CPPED1: variants seen among roughly 807,000 people sequenced by gnomAD.
The protein encoded by CPPED1 is serine/threonine-protein phosphatase CPPED1.
A neutral mutation model predicts 28.0 loss-of-function variants in CPPED1; 28 were observed. The observed-to-expected ratio is 1.00, with a 90% CI of 0.74 to 1.37. The LOEUF (loss-of-function observed/expected upper bound fraction) is 1.37, where lower values mean the gene tolerates loss of function less well. Ranked by LOEUF, CPPED1 falls within the 40% of genes most tolerant of loss-of-function variation. CPPED1 has a pLI of 0.00. For synonymous variants in CPPED1, 198 were observed against 180.2 expected, an observed-to-expected ratio of 1.10 and a Z score of -0.79; for missense variants, 504 against 416.5, an observed-to-expected ratio of 1.21 and a Z score of -1.83.
At chr16:12,703,613 C>T (rs1287820780) in intron 3 of CPPED1, among the ~76,000 whole-genome samples, 3 of 144,378 alleles carry the variant, frequency 2.1e-5, no homozygotes, top group Middle Eastern at 3.2e-3. Context: ...ACCTGGGAGG[C>T]GGAGGTTGCA....
At chr16:12,767,232 G>C (rs1567301317) in intron 2 of CPPED1, among the ~76,000 whole-genome samples, 1 of 152,128 alleles carries the variant, frequency 6.6e-6, no homozygotes, top group Admixed American at 6.6e-5. Flanking sequence ...GAATCTAAAG[G>C]TCTGAGAACC....
intron 3 of CPPED1, among the ~76,000 whole-genome samples, chr16:12,680,227 G>A (rs2079897904): frequency 6.6e-6 from 1 of 152,116 alleles, no homozygotes; most frequent in Non-Finnish European, 1.5e-5. Flanking sequence ...TCTCCCCTAT[G>A]AATAGGGTAT....
intron 1 of CPPED1, among the ~76,000 whole-genome samples, chr16:12,781,978 AAAAAG>A (rs2080534471): frequency 6.6e-6 from 1 of 152,096 alleles, no homozygotes. Context: ...GGGAGAAAAA[AAAAAG>A]AAAAAAGAAA....
rs570392083 is a variant in CPPED1, at chr16:12,750,665, T to C, written c.289+30520A>G. On this transcript the variant is annotated intron_variant, in intron 2 of 3. Transcript: ENST00000381774. Reference sequence around the variant, plus strand: ...GAATTACCAAGATGTAAGAATATGCTGTTGAAAAAATGATGCTAACAGAGG... The same window carrying C: ...GAATTACCAAGATGTAAGAATATGCCGTTGAAAAAATGATGCTAACAGAGG... Among the ~76,000 whole-genome samples, 13 of 152,232 alleles carry C rather than the reference T, an allele frequency of 8.5e-5. No homozygotes were observed. In the South Asian group the frequency reaches 2.5e-3, roughly 29 times the overall value.
rs548457210 is a variant in CPPED1 at position 12,691,491 on chromosome 16, C to T, written c.715+13133G>A. On this transcript the variant is annotated intron_variant, in intron 3 of 3. Coordinates refer to ENST00000381774, the MANE Select transcript of CPPED1 (RefSeq NM_018340.3). Reference sequence around the variant, plus strand: ...TATACCCAAAGGATTATAAAACATGCTGCTATAAAGACACATGCACACATA... The same window carrying T: ...TATACCCAAAGGATTATAAAACATGTTGCTATAAAGACACATGCACACATA... Among the ~76,000 whole-genome samples the T allele has an allele frequency of 4.6e-5, 7 of 152,260 alleles. No individual in the cohort carries two copies. In the South Asian group the frequency reaches 1.2e-3, roughly 27 times the overall value.
intron 2 of CPPED1, among the ~76,000 whole-genome samples, chr16:12,747,998 C>G (rs1330515919): frequency 6.6e-6 from 1 of 152,174 alleles, no homozygotes; most frequent in Non-Finnish European, 1.5e-5. Flanking sequence ...AGCCCAACAA[C>G]TGAAAGTGTC....
intron 2 of CPPED1, among the ~76,000 whole-genome samples, chr16:12,759,761 G>A (rs369723786): frequency 2.6e-4 from 40 of 152,266 alleles, no homozygotes; most frequent in African/African-American, 8.7e-4. Flanking sequence ...CTCTCCTGAC[G>A]CCTTGTGAAA....
chr16:12,778,693 T>G (rs2080512583), intron 2 of CPPED1, among the ~76,000 whole-genome samples: 1 of 152,264 alleles, frequency 6.6e-6, no homozygotes, highest in African/African-American at 2.4e-5. Context: ...ATAATTACTT[T>G]CTAGTGTCTA....
rs2079907829 is a variant in CPPED1, at chr16:12,682,056, C to T, written c.716-16941G>A. Reference sequence around the variant, plus strand: ...ACTGCCGTTTATTACTTTTTTGAGACAGTGTCTCTCTCGGTCGCCTATGTT... The same window carrying T: ...ACTGCCGTTTATTACTTTTTTGAGATAGTGTCTCTCTCGGTCGCCTATGTT... On this transcript the variant is annotated intron_variant, in intron 3 of 3. Coordinates refer to ENST00000381774, the MANE Select transcript of CPPED1 (RefSeq NM_018340.3). This position sits in a 1 kb window ranked among gnomAD's most constrained non-coding sequence, Gnocchi z 6.1. 6.6e-6 allele frequency among the ~76,000 whole-genome samples: 1 copy of T among 152,058 alleles called. No individual in the cohort carries two copies. The highest frequency in any genetic ancestry group is 1.5e-5 in the Non-Finnish European group (1 of 68,008).
chr16:12,717,663 CAG>C (rs2080114647), intron 2 of CPPED1, among the ~76,000 whole-genome samples: 1 of 151,996 alleles, frequency 6.6e-6, no homozygotes, highest in African/African-American at 2.4e-5. Flanking sequence ...ATTTTTGAGA[CAG>C]AGTCTCGCTC....
intron 3 of CPPED1, among the ~76,000 whole-genome samples, chr16:12,687,348 T>A (rs1474348119): frequency 6.6e-6 from 1 of 152,196 alleles, no homozygotes; most frequent in East Asian, 1.9e-4. Context: ...AATATTACAA[T>A]GATATCCCAA....
chr16:12,781,379 G>A lies in CPPED1; in HGVS notation c.95C>T (p.Pro32Leu), dbSNP rs769680308. The A allele has an allele frequency of 1.2e-6, 2 of 1,613,986 alleles. No homozygotes were observed. Among genetic ancestry groups the A allele is most frequent in the South Asian group, 2.2e-5 (2 of 91,054 alleles). The change falls in exon 2 of 4, where the codon CCA becomes CTA. Residue 32 changes from proline (P) to leucine (L), a missense_variant. Pro to Leu is a moderately conservative substitution (Grantham distance 98). Coordinates refer to ENST00000381774, the MANE Select transcript of CPPED1 (RefSeq NM_018340.3). ...GTCTGCGCCCAGGATGAAGTAGAAT[G>A]GGCCTTTCCATTCGCTTTCCTTTTC... ...PAEKESEWKG[P>L]FYFILGADPQ...
rs536760750 is a variant in CPPED1, at chr16:12,795,248, T to C, written c.70+8459A>G. On this transcript the variant is annotated intron_variant, in intron 1 of 3. Coordinates refer to ENST00000381774, the MANE Select transcript of CPPED1 (RefSeq NM_018340.3). ...GAAGGTAACCCTTCCCCCGGGCAGA[T>C]GTGCTCCATGTGAGGGCACCCACCT... is the stretch of plus-strand genomic sequence containing the variant. Among the ~76,000 whole-genome samples the C allele has an allele frequency of 8.5e-5, 13 of 152,274 alleles. No individual in the cohort carries two copies. In the East Asian group the frequency reaches 2.5e-3, roughly 29 times the overall value.
At chr16:12,694,659 A>C (rs2079979896) in intron 3 of CPPED1, among the ~76,000 whole-genome samples, 1 of 146,380 alleles carries the variant, frequency 6.8e-6, no homozygotes, top group African/African-American at 2.5e-5. Context: ...AGGAAATAAA[A>C]CAAAGAGGGT....
chr16:12,690,029 G>A (rs1419601398), intron 3 of CPPED1, among the ~76,000 whole-genome samples: 1 of 152,170 alleles, frequency 6.6e-6, no homozygotes. Flanking sequence ...CTTTTCTCAA[G>A]ACAATGTTTC....
At chr16:12,743,357 TA>T (rs1326706610) in intron 2 of CPPED1, among the ~76,000 whole-genome samples, 1 of 152,136 alleles carries the variant, frequency 6.6e-6, no homozygotes, top group African/African-American at 2.4e-5. Context: ...AAATTAAATA[TA>T]AAACACCTTT....
chr16:12,681,528 C>T (rs1227307232), intron 3 of CPPED1, among the ~76,000 whole-genome samples: 1 of 152,156 alleles, frequency 6.6e-6, no homozygotes, highest in East Asian at 1.9e-4. Context: ...TTACACTTTT[C>T]ATACCTCACC....
At chr16:12,680,447 A>T (rs1364909037) in intron 3 of CPPED1, among the ~76,000 whole-genome samples, 5 of 152,130 alleles carry the variant, frequency 3.3e-5, no homozygotes, top group Non-Finnish European at 5.9e-5. Flanking sequence ...CTGTATCTTA[A>T]TAATAAAAAT....
At chr16:12,712,418 A>G (rs2080084806) in intron 2 of CPPED1, among the ~76,000 whole-genome samples, 1 of 152,214 alleles carries the variant, frequency 6.6e-6, no homozygotes, top group African/African-American at 2.4e-5. Flanking sequence ...TAATAACTTC[A>G]TGATATTGAG....
Sources: allele counts gnomAD v4.1 joint callset (sites outside exome capture counted in the v4.1 genomes callset), GRCh38; gene constraint gnomAD v4.1.1; non-coding constraint Gnocchi (gnomAD v3.1); transcripts MANE v1.5; gene names NCBI Gene and HGNC (gene_info 2026-07-23, HGNC 2026-07-21).